PEBP4: variants seen among roughly 807,000 people sequenced by gnomAD.
PEBP4 encodes the protein phosphatidylethanolamine binding protein 4, also known as phosphatidylethanolamine-binding protein 4.
In PEBP4, 22 loss-of-function variants were observed where a neutral mutation model predicts 23.9. The ratio of observed to expected loss-of-function variants is 0.92; its 90% CI spans 0.66 to 1.31. PEBP4 has a LOEUF of 1.31. Ranked by LOEUF, PEBP4 falls within the 40% of genes most tolerant of loss-of-function variation. The probability of loss-of-function intolerance (pLI) is 0.00; values close to 1 mark genes in which losing one functional copy is unlikely to be tolerated. For synonymous variants in PEBP4, 112 were observed against 99.3 expected, an observed-to-expected ratio of 1.13 and a Z score of -0.76; for missense variants, 324 against 281.7, an observed-to-expected ratio of 1.15 and a Z score of -1.07.
chr8:22,845,508 G>C (rs1357385183), intron 3 of PEBP4, among the ~76,000 whole-genome samples: 2 of 152,214 alleles, frequency 1.3e-5, no homozygotes, highest in Non-Finnish European at 2.9e-5. Flanking sequence ...GGGCAGCAGA[G>C]AGAGACCTGT....
At chr8:22,777,670 G>A (rs1805839845) in intron 4 of PEBP4, among the ~76,000 whole-genome samples, 1 of 152,120 alleles carries the variant, frequency 6.6e-6, no homozygotes, top group African/African-American at 2.4e-5. Flanking sequence ...CGGGGGTGGT[G>A]GCTGGGGCAC....
At chr8:22,910,107 C>A (rs145534784) in intron 3 of PEBP4, among the ~76,000 whole-genome samples, 2 of 152,238 alleles carry the variant, frequency 1.3e-5, no homozygotes, top group African/African-American at 4.8e-5. Context: ...CTGCACTCTC[C>A]TGCTGATCTT....
chr8:22,789,330 C>T (rs1166282738), intron 4 of PEBP4, among the ~76,000 whole-genome samples: 2 of 152,094 alleles, frequency 1.3e-5, no homozygotes, highest in Non-Finnish European at 2.9e-5. Context: ...TCGTCGGGCC[C>T]AACCTCGCTT....
chr8:22,850,324 C>T (rs1272098754), intron 3 of PEBP4, among the ~76,000 whole-genome samples: 1 of 152,064 alleles, frequency 6.6e-6, no homozygotes, highest in African/African-American at 2.4e-5. Flanking sequence ...GCCAGCATCT[C>T]GAATCAGGAC....
intron 3 of PEBP4, among the ~76,000 whole-genome samples, chr8:22,869,474 G>A (rs539834898): frequency 6.6e-6 from 1 of 152,318 alleles, no homozygotes; most frequent in South Asian, 2.1e-4. Context: ...AACAAATGTG[G>A]GTTCAAAGTG....
At chr8:22,771,766 C>T (rs538700335) in intron 4 of PEBP4, among the ~76,000 whole-genome samples, 36 of 152,340 alleles carry the variant, frequency 2.4e-4, no homozygotes, top group African/African-American at 8.2e-4. Context: ...AACACCTGGG[C>T]GTTACTGCCC....
chr8:22,801,911 T>G (rs1247556001), intron 4 of PEBP4, among the ~76,000 whole-genome samples: 1 of 152,172 alleles, frequency 6.6e-6, no homozygotes, highest in Non-Finnish European at 1.5e-5. Context: ...TGGTGACTCC[T>G]GCCACCCAGA....
rs60294653 is a variant in PEBP4, at chr8:22,726,030, T to TGTGTGTGTGTGC, written c.404-1075_404-1074insGCACACACACAC. On this transcript the variant is annotated intron_variant, in intron 5 of 6. Transcript: ENST00000256404. ...GTGTGTGTGTGTGTGTGTGTGTGTG[T>TGTGTGTGTGTGC]GCACGCGCATGTGCACTCAGAGTGA... Among the ~76,000 whole-genome samples, 15 of 148,924 alleles carry TGTGTGTGTGTGC rather than the reference T, an allele frequency of 1.0e-4. No homozygotes were observed. In the South Asian group the frequency reaches 1.7e-3, roughly 17 times the overall value.
intron 3 of PEBP4, among the ~76,000 whole-genome samples, chr8:22,848,876 C>A (rs751684545): frequency 3.3e-5 from 5 of 152,228 alleles, no homozygotes; most frequent in Non-Finnish European, 7.3e-5. Context: ...CAAACGTACA[C>A]TGTCTAGTCT....
intron 2 of PEBP4, among the ~76,000 whole-genome samples, chr8:22,921,190 C>T (rs1809192474): frequency 6.6e-6 from 1 of 152,172 alleles, no homozygotes; most frequent in African/African-American, 2.4e-5. Flanking sequence ...TTTTTGCTTG[C>T]CCTTCTATTA....
intron 4 of PEBP4, among the ~76,000 whole-genome samples, chr8:22,808,431 T>C (rs550168596): frequency 2.6e-5 from 4 of 152,366 alleles, no homozygotes; most frequent in African/African-American, 9.6e-5. Flanking sequence ...CGAGGGCACT[T>C]AATGTTCTGG....
chr8:22,724,213 T>C (rs1218699541), intron 6 of PEBP4, among the ~76,000 whole-genome samples: 1 of 152,156 alleles, frequency 6.6e-6, no homozygotes, highest in East Asian at 1.9e-4. Flanking sequence ...CATGCTGCAG[T>C]GGCCAAGTGG....
chr8:22,740,241 A>T (rs1264784001), intron 4 of PEBP4, among the ~76,000 whole-genome samples: 1 of 152,198 alleles, frequency 6.6e-6, no homozygotes, highest in East Asian at 1.9e-4. Flanking sequence ...TGCTGGCGAG[A>T]TTTGGAAGCT....
intron 3 of PEBP4, among the ~76,000 whole-genome samples, chr8:22,837,469 CG>C (rs1336411572): frequency 2.0e-5 from 3 of 152,296 alleles, no homozygotes; most frequent in Admixed American, 2.0e-4. Context: ...CATTGCTGCC[CG>C]ATAATCTTCC....
In PEBP4 at chr8:22,802,115, C is replaced by A. The variant is rs146544864; in HGVS notation, c.357+15522G>T. On this transcript the variant is annotated intron_variant, in intron 4 of 6. Coordinates refer to ENST00000256404, the MANE Select transcript of PEBP4 (RefSeq NM_144962.3). ...ATCTCCAGATTCTTCCCAAACGCTCCGGACTGTGGGTTCCTCCTCCTCGTC... is the reference window on the plus strand; with the variant it reads ...ATCTCCAGATTCTTCCCAAACGCTCAGGACTGTGGGTTCCTCCTCCTCGTC... Among the ~76,000 whole-genome samples, 1,473 of 152,270 alleles carry A rather than the reference C, an allele frequency of 9.7e-3. 22 individuals carry two copies. The highest frequency in any genetic ancestry group is 0.062 in the South Asian group (297 of 4,814).
chr8:22,891,807 C>G (rs1808500279), intron 3 of PEBP4, among the ~76,000 whole-genome samples: 1 of 152,232 alleles, frequency 6.6e-6, no homozygotes, highest in South Asian at 2.1e-4. Context: ...GGCATGGTGG[C>G]TCATGCCTGT....
At chr8:22,829,580 T>G (rs1807038879) in intron 3 of PEBP4, among the ~76,000 whole-genome samples, 1 of 152,150 alleles carries the variant, frequency 6.6e-6, no homozygotes, top group South Asian at 2.1e-4. Flanking sequence ...CCTCTCCCAT[T>G]GTCTTAGTGA....
chr8:22,755,326 C>CTTTTTTT (rs547269095), intron 4 of PEBP4, among the ~76,000 whole-genome samples: 2 of 114,592 alleles, frequency 1.7e-5, no homozygotes, highest in Non-Finnish European at 3.5e-5. Flanking sequence ...TTCTCTCCCT[C>CTTTTTTT]TTTTTTTTTT....
chr8:22,933,779 T>C (rs1045296458), intron 1 of PEBP4, among the ~76,000 whole-genome samples: 5 of 152,198 alleles, frequency 3.3e-5, no homozygotes, highest in African/African-American at 1.2e-4. Flanking sequence ...AAAAAGCCAG[T>C]ATTGTTGGAA....
Sources: allele counts gnomAD v4.1 joint callset (sites outside exome capture counted in the v4.1 genomes callset), GRCh38; gene constraint gnomAD v4.1.1; transcripts MANE v1.5; gene names NCBI Gene and HGNC (gene_info 2026-07-23, HGNC 2026-07-21).